Variants in MACROD1 observed in about 807,000 individuals in gnomAD.
MACROD1 encodes the protein ADP-ribose glycohydrolase MACROD1.
A neutral mutation model predicts 41.4 loss-of-function variants in MACROD1; 31 were observed. That is an observed-to-expected ratio of 0.75 (90% CI 0.56 to 1.01). The LOEUF is 1.01. Among genes scored for constraint, MACROD1 ranks in the 50% least tolerant of loss-of-function variants. The pLI, the probability that MACROD1 is intolerant of heterozygous loss-of-function variation, is 0.00. For synonymous variants in MACROD1, 252 were observed against 203.4 expected, an observed-to-expected ratio of 1.24 and a Z score of -2.03; for missense variants, 473 against 460.0, an observed-to-expected ratio of 1.03 and a Z score of -0.26.
rs1945076610 is a variant in MACROD1 at position 64,120,284 on chromosome 11, C to T, written c.517+30955G>A. Reference sequence around the variant, plus strand: ...GGGGAACAGCCGAGCAGCGTGGTCACGTTTCACTCGAAACTAGACGTGTTT... The same window carrying T: ...GGGGAACAGCCGAGCAGCGTGGTCATGTTTCACTCGAAACTAGACGTGTTT... On this transcript the variant is annotated intron_variant, in intron 3 of 10. Transcript: ENST00000255681. This position sits in a 1 kb window ranked among gnomAD's most constrained non-coding sequence, Gnocchi z 4.5. Among the ~76,000 whole-genome samples the T allele has an allele frequency of 2.0e-5, 3 of 152,214 alleles. No homozygotes were observed. Among genetic ancestry groups the T allele is most frequent in the African/African-American group, 4.8e-5 (2 of 41,458 alleles).
intron 3 of MACROD1, among the ~76,000 whole-genome samples, chr11:64,130,161 A>C (rs1414617201): frequency 6.6e-6 from 1 of 151,844 alleles, no homozygotes; most frequent in Non-Finnish European, 1.5e-5. Flanking sequence ...TTCCTTCCCC[A>C]CAAATCTCTC....
intron 3 of MACROD1, among the ~76,000 whole-genome samples, chr11:64,043,302 G>A (rs1943523262): frequency 6.6e-6 from 1 of 152,184 alleles, no homozygotes; most frequent in South Asian, 2.1e-4. Flanking sequence ...CTCAGGGGCT[G>A]GAGAGGGGCT....
intron 3 of MACROD1, among the ~76,000 whole-genome samples, chr11:64,112,176 TC>T (rs1213750715): frequency 6.6e-6 from 1 of 152,148 alleles, no homozygotes; most frequent in Non-Finnish European, 1.5e-5. Flanking sequence ...GATGCACAAA[TC>T]CCTGCCCTTG....
intron 1 of MACROD1, among the ~76,000 whole-genome samples, chr11:64,160,678 T>C (rs1331680453): frequency 6.6e-6 from 1 of 151,888 alleles, no homozygotes; most frequent in Non-Finnish European, 1.5e-5. Flanking sequence ...TAGCCAGGCA[T>C]GGTGGCACAT....
intron 4 of MACROD1, among the ~76,000 whole-genome samples, chr11:64,003,453 A>C (rs1226149727): frequency 6.6e-6 from 1 of 152,072 alleles, no homozygotes; most frequent in Non-Finnish European, 1.5e-5. Context: ...TCCTGACCTC[A>C]AGTGATCCAC....
intron 3 of MACROD1, chr11:64,116,680 A>G (rs1944988248): frequency 6.2e-7 from 1 of 1,613,756 alleles, no homozygotes; most frequent in East Asian, 2.2e-5. Context: ...CAGGACAACA[A>G]TGTGCGCACC....
intron 1 of MACROD1, among the ~76,000 whole-genome samples, chr11:64,159,072 A>G (rs1945712312): frequency 6.6e-6 from 1 of 152,124 alleles, no homozygotes; most frequent in African/African-American, 2.4e-5. Flanking sequence ...CTGTAATTCC[A>G]GCACTTTGGG....
chr11:64,122,916 G>A lies in MACROD1; in HGVS notation c.517+28323C>T, dbSNP rs1945121683. On this transcript the variant is annotated intron_variant, in intron 3 of 10. Transcript: ENST00000255681. This position sits in a 1 kb window ranked among gnomAD's most constrained non-coding sequence, Gnocchi z 4.0. ...GAGCCAAGGAGCCAGGAGAGGAGGA[G>A]AAAGAGCAGACCCTCCCCCTTGAAA... is the stretch of plus-strand genomic sequence containing the variant. 6.6e-6 allele frequency among the ~76,000 whole-genome samples: 1 copy of A among 152,228 alleles called. No homozygotes were observed. Among genetic ancestry groups the A allele is most frequent in the South Asian group, 2.1e-4 (1 of 4,838 alleles).
chr11:64,094,548 A>T (rs1306177179), intron 3 of MACROD1, among the ~76,000 whole-genome samples: 2 of 152,154 alleles, frequency 1.3e-5, no homozygotes, highest in Non-Finnish European at 2.9e-5. Flanking sequence ...AGGCTCCTGG[A>T]GTGAAGGCCT....
At position 64,148,064 on chromosome 11, in the gene MACROD1, C is replaced by T. The variant is rs1056210412; in HGVS notation, c.517+3175G>A. Among the ~76,000 whole-genome samples, 10 of 152,164 alleles carry T rather than the reference C, an allele frequency of 6.6e-5. No individual in the cohort carries two copies. The South Asian group carries it at 1.2e-3, about 19-fold the overall frequency. ...CAGGGTCCGATTCTCAATGGCCTGA[C>T]GGAGGTCACAGGCAGATGCCTCTTC... On this transcript the variant is annotated intron_variant, in intron 3 of 10. Transcript: ENST00000255681.
chr11:63,999,800 A>C (rs537963272), intron 5 of MACROD1, 37 bp from the exon 6 acceptor site: 13 of 1,586,342 alleles, frequency 8.2e-6, no homozygotes, highest in Non-Finnish European at 1.0e-5. Context: ...GCGGGGGTCT[A>C]CGCGGTCCTC....
chr11:64,029,463 T>A (rs989357561), intron 3 of MACROD1, among the ~76,000 whole-genome samples: 4 of 152,124 alleles, frequency 2.6e-5, no homozygotes, highest in Non-Finnish European at 5.9e-5. Flanking sequence ...CCTGGCTCCC[T>A]GATGTCTTGG....
chr11:64,095,644 C>T (rs1042889408), intron 3 of MACROD1, among the ~76,000 whole-genome samples: 2 of 152,176 alleles, frequency 1.3e-5, no homozygotes, highest in African/African-American at 4.8e-5. Flanking sequence ...CTGAGTAACT[C>T]GGATGATGGC....
chr11:64,000,461 AC>A, intron 4 of MACROD1, 118 bp from the exon 5 acceptor site: 1 of 585,330 alleles, frequency 1.7e-6, no homozygotes, highest in Non-Finnish European at 2.7e-6. Context: ...CCGCGCCCCA[AC>A]CCCGTGGCCT....
intron 3 of MACROD1, among the ~76,000 whole-genome samples, chr11:64,111,167 T>C (rs551880056): frequency 6.6e-6 from 1 of 152,348 alleles, no homozygotes; most frequent in South Asian, 2.1e-4. Context: ...CAGATGTCCA[T>C]ACCAGGGAAT....
At chr11:64,047,184 C>G (rs1016477784) in intron 3 of MACROD1, among the ~76,000 whole-genome samples, 21 of 152,256 alleles carry the variant, frequency 1.4e-4, no homozygotes, top group Non-Finnish European at 2.6e-4. Context: ...ACCTGTGGTG[C>G]CCCCCTCCCC....
chr11:64,018,924 G>C (rs1007591372), intron 3 of MACROD1, among the ~76,000 whole-genome samples: 20 of 152,206 alleles, frequency 1.3e-4, no homozygotes, highest in Non-Finnish European at 1.9e-4. Flanking sequence ...GTGGGGGATG[G>C]GCACTGGACT....
At chr11:64,019,508 G>A (rs1221158639) in intron 3 of MACROD1, among the ~76,000 whole-genome samples, 1 of 152,260 alleles carries the variant, frequency 6.6e-6, no homozygotes, top group Non-Finnish European at 1.5e-5. Flanking sequence ...GCTAGCAGGT[G>A]GCCGCTGTCC....
intron 3 of MACROD1, among the ~76,000 whole-genome samples, chr11:64,144,160 C>T (rs1340838812): frequency 6.6e-6 from 1 of 151,958 alleles, no homozygotes; most frequent in Non-Finnish European, 1.5e-5. Flanking sequence ...TCCACCTCGC[C>T]CCTCCCTGTC....
Sources: allele counts gnomAD v4.1 joint callset (sites outside exome capture counted in the v4.1 genomes callset), GRCh38; gene constraint gnomAD v4.1.1; non-coding constraint Gnocchi (gnomAD v3.1); transcripts MANE v1.5; gene names NCBI Gene and HGNC (gene_info 2026-07-23, HGNC 2026-07-21).